DMD: variants seen among roughly 807,000 people sequenced by gnomAD.
DMD encodes mutant dystrophin.
In DMD, 63 loss-of-function variants were observed where a neutral mutation model predicts 330.1. The ratio of observed to expected loss-of-function variants is 0.19; its 90% CI spans 0.16 to 0.24. The LOEUF (loss-of-function observed/expected upper bound fraction) is 0.24, where lower values mean the gene tolerates loss of function less well. Among genes scored for constraint, DMD ranks in the 10% least tolerant of loss-of-function variants. DMD has a pLI of 1.00. For synonymous variants in DMD, 1,223 were observed against 959.8 expected (o/e 1.27, Z -5.07); for missense variants, 3,344 against 2,684.1 (o/e 1.25, Z -5.43).
chrX:32,035,392 G>A (rs1446305567), intron 44 of DMD, among the ~76,000 whole-genome samples: 1 of 111,074 alleles, frequency 9.0e-6, no homozygotes, highest in Non-Finnish European at 1.9e-5. Flanking sequence ...TAATCATTTT[G>A]GTTTGTTTAA....
intron 1 of DMD, among the ~76,000 whole-genome samples, chrX:33,088,332 A>G (rs2095037262): frequency 8.9e-6 from 1 of 111,968 alleles, no homozygotes; most frequent in Admixed American, 9.6e-5. Context: ...GGTGTGAGCC[A>G]CTGCATCTGG....
At chrX:31,895,032 A>G (rs1037199510) in intron 47 of DMD, among the ~76,000 whole-genome samples, 1 of 111,812 alleles carries the variant, frequency 8.9e-6, no homozygotes, top group Admixed American at 9.5e-5. Flanking sequence ...TGCTAGGTAA[A>G]TCATCCCTCC....
At chrX:32,370,326 C>T (rs751351601) in intron 34 of DMD, among the ~76,000 whole-genome samples, 1 of 108,616 alleles carries the variant, frequency 9.2e-6, no homozygotes, top group East Asian at 2.9e-4. Context: ...ATTGCTTTTA[C>T]AGCCCCCAAA....
intron 44 of DMD, among the ~76,000 whole-genome samples, chrX:32,189,884 AT>A (rs760333810): frequency 2.7e-4 from 30 of 110,589 alleles, no homozygotes; most frequent in East Asian, 1.1e-3. Flanking sequence ...GTTTTGTTAC[AT>A]TTTTTTTATT....
chrX:32,673,582 G>A (rs995520043), intron 9 of DMD, among the ~76,000 whole-genome samples: 1 of 111,980 alleles, frequency 8.9e-6, no homozygotes, highest in African/African-American at 3.2e-5. Context: ...ATGTTTGTAT[G>A]AACAGAGACA....
At chrX:32,734,194 C>A (rs1277556519) in intron 7 of DMD, among the ~76,000 whole-genome samples, 1 of 108,882 alleles carries the variant, frequency 9.2e-6, no homozygotes, top group Admixed American at 9.9e-5. Context: ...CACACATACA[C>A]TCTCCCAAGA....
chrX:32,520,869 A>C (rs1408187449), intron 17 of DMD, among the ~76,000 whole-genome samples: 4 of 100,555 alleles, frequency 4.0e-5, no homozygotes, highest in Non-Finnish European at 8.0e-5. Flanking sequence ...TTTTTTCCCA[A>C]GTTGGGCTCT....
At position 32,491,611 on chromosome X, in the gene DMD, C is replaced by T. The variant is rs992333436; in HGVS notation, c.2381-93G>A. 12 of 855,858 alleles carry T rather than the reference C, an allele frequency of 1.4e-5. No individual in the cohort carries two copies. In the African/African-American group the frequency reaches 2.2e-4, roughly 16 times the overall value. The allele number at this position is 855,858 out of a possible 1,213,427, so 70.5% of individuals were successfully genotyped here. A position where few individuals can be genotyped will look rare whatever the true frequency, so the allele number is the denominator to read the frequency against. On this transcript the variant is annotated intron_variant, in intron 19 of 78. Coordinates refer to ENST00000357033, the MANE Select transcript of DMD (RefSeq NM_004006.3). The stretch of plus-strand genomic sequence containing the variant: ...AACACATCCTAATTATAAAAGTATT[C>T]ACCACATGAATGATTTCAAACCAGA...
intron 62 of DMD, among the ~76,000 whole-genome samples, chrX:31,280,800 A>T: frequency 9.0e-6 from 1 of 111,497 alleles, no homozygotes; most frequent in Middle Eastern, 4.6e-3. Flanking sequence ...TTCACAAGTG[A>T]CCTTAAAGGT....
chrX:31,370,097 T>TG (rs2059468124), intron 60 of DMD, among the ~76,000 whole-genome samples: 1 of 33,436 alleles, frequency 3.0e-5, no homozygotes, highest in African/African-American at 9.3e-5. Flanking sequence ...AGGCTCCGTC[T>TG]CAAAAAAAAA....
intron 2 of DMD, among the ~76,000 whole-genome samples, chrX:32,989,109 T>A (rs1312070028): frequency 8.9e-6 from 1 of 111,905 alleles, no homozygotes; most frequent in African/African-American, 3.2e-5. Flanking sequence ...TATAAAGTTT[T>A]ATTTCTACAG....
chrX:32,815,504 T>C (rs1248469094), intron 6 of DMD, among the ~76,000 whole-genome samples: 2 of 57,264 alleles, frequency 3.5e-5, no homozygotes, highest in African/African-American at 1.4e-4. Context: ...CATATATATA[T>C]ATATATATAT....
At chrX:33,229,386 A>C in intron 1 of DMD, among the ~76,000 whole-genome samples, 1 of 109,994 alleles carries the variant, frequency 9.1e-6, no homozygotes, top group Non-Finnish European at 1.9e-5. Flanking sequence ...TTGAGGCTCT[A>C]TTTATTTACT....
chrX:31,981,722 A>T (rs186234008), intron 44 of DMD, among the ~76,000 whole-genome samples: 119 of 111,557 alleles, frequency 1.1e-3, no homozygotes, highest in African/African-American at 3.7e-3. Context: ...TGTTCATCAG[A>T]CTGGAAAAGG....
chrX:32,550,495 G>A (rs781741885), intron 16 of DMD, among the ~76,000 whole-genome samples: 15 of 111,146 alleles, frequency 1.3e-4, no homozygotes, highest in Admixed American at 1.3e-3. Context: ...ACAAAGCAGC[G>A]TTAAGAGGCA....
intron 15 of DMD, 111 bp downstream of exon 15, chrX:32,573,419 T>G (rs1232645983): frequency 1.1e-5 from 7 of 636,633 alleles, no homozygotes; most frequent in Non-Finnish European, 1.8e-5. Flanking sequence ...TAATCTATGA[T>G]CCAAGCAAAA....
chrX:32,054,084 TGTGTGAGAGAGAGAGAGAGAGAGA>T (rs2096140828), intron 44 of DMD, among the ~76,000 whole-genome samples: 1 of 75,761 alleles, frequency 1.3e-5, no homozygotes, highest in African/African-American at 6.3e-5. Context: ...TGTGTGTGTG[TGTGTGAGAGAGAGAGAGAGAGAGA>T]GAGAGAGAGA....
At chrX:32,074,898 A>G (rs1207999705) in intron 44 of DMD, among the ~76,000 whole-genome samples, 1 of 111,347 alleles carries the variant, frequency 9.0e-6, no homozygotes, top group Middle Eastern at 4.6e-3. Flanking sequence ...AACAACGACA[A>G]CAACAAACCG....
chrX:33,337,615 A>G (rs1023599330), intron 1 of DMD, among the ~76,000 whole-genome samples: 3 of 112,277 alleles, frequency 2.7e-5, no homozygotes, highest in African/African-American at 9.7e-5. Context: ...AATGATATTC[A>G]ACCACGGTAA....
Sources: allele counts gnomAD v4.1 joint callset (sites outside exome capture counted in the v4.1 genomes callset), GRCh38; gene constraint gnomAD v4.1.1; transcripts MANE v1.5; gene names NCBI Gene and HGNC (gene_info 2026-07-23, HGNC 2026-07-21).